MAML2: variants seen among roughly 807,000 people sequenced by gnomAD.
MAML2 encodes the protein mastermind like transcriptional coactivator 2, also known as mastermind-like protein 2.
In MAML2, 22 loss-of-function variants were observed where a neutral mutation model predicts 96.1. The observed-to-expected ratio is 0.23, with a 90% CI of 0.16 to 0.33. The LOEUF (loss-of-function observed/expected upper bound fraction) is 0.33, where lower values mean the gene tolerates loss of function less well. MAML2 is among the 10% of genes least tolerant of loss of function. MAML2 has a pLI of 1.00. For synonymous variants in MAML2, 561 were observed against 521.3 expected, an observed-to-expected ratio of 1.08 and a Z score of -1.04; for missense variants, 1,367 against 1,392.4, an observed-to-expected ratio of 0.98 and a Z score of 0.29.
intron 2 of MAML2, among the ~76,000 whole-genome samples, chr11:96,003,117 A>C (rs528381374): frequency 3.8e-4 from 43 of 114,334 alleles, no homozygotes; most frequent in Middle Eastern, 6.8e-3. Flanking sequence ...GGGATGATGA[A>C]GATGATTATG....
chr11:96,078,397 T>A (rs1859478068), intron 2 of MAML2, among the ~76,000 whole-genome samples: 1 of 152,244 alleles, frequency 6.6e-6, no homozygotes, highest in Admixed American at 6.5e-5. Flanking sequence ...TTGGATAGGC[T>A]AGCAGGAGGA....
intron 2 of MAML2, among the ~76,000 whole-genome samples, chr11:96,078,787 G>A (rs1371050369): frequency 1.3e-5 from 2 of 152,214 alleles, no homozygotes; most frequent in Non-Finnish European, 2.9e-5. Context: ...AGACCTGTCA[G>A]TAAATTATCC....
rs150323850 is a variant in MAML2, at chr11:96,237,848, T to G, written c.513+103535A>C. ...ATGCAATGAAAGGAATCTGCTAAGCTAATGTTTATTTTAACAAACACTTTG... is the reference window on the plus strand; with the variant it reads ...ATGCAATGAAAGGAATCTGCTAAGCGAATGTTTATTTTAACAAACACTTTG... On this transcript the variant is annotated intron_variant, in intron 1 of 4. Coordinates refer to ENST00000524717, the MANE Select transcript of MAML2 (RefSeq NM_032427.4). Among the ~76,000 whole-genome samples the G allele has an allele frequency of 2.4e-3, 372 of 152,372 alleles. 2 individuals carry two copies. Among genetic ancestry groups the G allele is most frequent in the Non-Finnish European group, 4.5e-3 (308 of 68,042 alleles).
intron 1 of MAML2, among the ~76,000 whole-genome samples, chr11:96,322,498 C>T (rs1210194052): frequency 2.0e-5 from 3 of 152,150 alleles, no homozygotes; most frequent in African/African-American, 7.2e-5. Flanking sequence ...CCAGACCATC[C>T]TGGCTAACAC....
At chr11:96,085,233 T>C (rs1591002932) in intron 2 of MAML2, among the ~76,000 whole-genome samples, 1 of 152,176 alleles carries the variant, frequency 6.6e-6, no homozygotes, top group East Asian at 1.9e-4. Flanking sequence ...AGGGTTAAGA[T>C]GATTCACTGA....
At chr11:96,058,511 A>T (rs1334141281) in intron 2 of MAML2, among the ~76,000 whole-genome samples, 1 of 151,866 alleles carries the variant, frequency 6.6e-6, no homozygotes, top group African/African-American at 2.4e-5. Context: ...GTAGAGATGG[A>T]GGTTTCACCA....
chr11:96,076,432 T>TCTCACACA (rs1220334761), intron 2 of MAML2, among the ~76,000 whole-genome samples: 10 of 103,186 alleles, frequency 9.7e-5, no homozygotes, highest in African/African-American at 2.9e-4. Flanking sequence ...TCTCTCTCTC[T>TCTCACACA]CACACACACA....
At position 96,107,687 on chromosome 11, in the gene MAML2, A is replaced by C. The variant is rs1297387660; in HGVS notation, c.514-14170T>G. On this transcript the variant is annotated intron_variant, in intron 1 of 4. Coordinates refer to ENST00000524717, the MANE Select transcript of MAML2 (RefSeq NM_032427.4). ...TTTGGGACTTTTGGCTTCACCACCC[A>C]ACCTCCAGGGAGGAGAGAGGGGCTA... 2.0e-5 allele frequency among the ~76,000 whole-genome samples: 3 copies of C among 152,306 alleles called. No homozygotes were observed. The East Asian group carries it at 5.8e-4, about 29-fold the overall frequency.
At chr11:96,094,988 T>TA (rs1342241036) in intron 1 of MAML2, among the ~76,000 whole-genome samples, 7 of 152,208 alleles carry the variant, frequency 4.6e-5, no homozygotes, top group African/African-American at 1.7e-4. Context: ...TTATTTCCCT[T>TA]AATCTGCACA....
intron 2 of MAML2, among the ~76,000 whole-genome samples, chr11:96,076,432 T>TCACA (rs57102762): frequency 0.029 from 3,035 of 103,096 alleles, 40 homozygotes; most frequent in Middle Eastern, 0.043. Context: ...TCTCTCTCTC[T>TCACA]CACACACACA....
chr11:95,987,313 T>C (rs1407502079), intron 3 of MAML2, among the ~76,000 whole-genome samples: 1 of 152,194 alleles, frequency 6.6e-6, no homozygotes, highest in Non-Finnish European at 1.5e-5. Flanking sequence ...TGACATTCTG[T>C]AGGATTGTTT....
At chr11:96,252,975 A>G (rs1315641340) in intron 1 of MAML2, among the ~76,000 whole-genome samples, 1 of 152,186 alleles carries the variant, frequency 6.6e-6, no homozygotes, top group Non-Finnish European at 1.5e-5. Context: ...TTCTCACAAA[A>G]CAGCCTCCCA....
In MAML2 at chr11:96,092,812, C is replaced by G. The variant is rs764299271; in HGVS notation, c.1219G>C (p.Val407Leu). ...ALSTSSPIPS[V>L]PQSQAQPQTG... ...TGAGGCTGAGCCTGGCTCTGAGGGA[C>G]TGAAGGGATTGGAGACGAAGTGGAG... Residue 407 changes from valine (V) to leucine (L), a missense_variant, in exon 2 of 5, where the codon GTC becomes CTC. Transcript: ENST00000524717. This position sits in a 1 kb window ranked among gnomAD's most constrained non-coding sequence, Gnocchi z 4.1. The G allele has an allele frequency of 3.1e-6, 5 of 1,610,744 alleles. No individual in the cohort carries two copies. Among genetic ancestry groups the G allele is most frequent in the Non-Finnish European group, 2.5e-6 (3 of 1,177,822 alleles).
chr11:96,230,341 T>C (rs548773240), intron 1 of MAML2, among the ~76,000 whole-genome samples: 1 of 152,350 alleles, frequency 6.6e-6, no homozygotes, highest in African/African-American at 2.4e-5. Flanking sequence ...TATATCTATA[T>C]ATATTTGTAC....
chr11:96,291,276 C>T (rs901725849), intron 1 of MAML2, among the ~76,000 whole-genome samples: 2 of 151,938 alleles, frequency 1.3e-5, no homozygotes, highest in Non-Finnish European at 1.5e-5. Context: ...CAGGCACCCA[C>T]CACCTCACCC....
chr11:96,181,595 G>C (rs753982018), intron 1 of MAML2, among the ~76,000 whole-genome samples: 2 of 151,914 alleles, frequency 1.3e-5, no homozygotes, highest in African/African-American at 4.8e-5. Context: ...AAGCTCCTAA[G>C]ATGCAAAAAA....
At chr11:96,099,904 G>A (rs1447488535) in intron 1 of MAML2, among the ~76,000 whole-genome samples, 9 of 151,444 alleles carry the variant, frequency 5.9e-5, no homozygotes, top group Admixed American at 1.3e-4. Flanking sequence ...CCTCCCAAAG[G>A]TTATAGAGAT....
At chr11:95,987,734 C>CAA (rs1857849497) in intron 3 of MAML2, among the ~76,000 whole-genome samples, 1 of 152,076 alleles carries the variant, frequency 6.6e-6, no homozygotes, top group Non-Finnish European at 1.5e-5. Flanking sequence ...ATTCTTGTTG[C>CAA]TAAGAAAAAG....
At chr11:96,050,056 C>A (rs1267920895) in intron 2 of MAML2, among the ~76,000 whole-genome samples, 1 of 152,094 alleles carries the variant, frequency 6.6e-6, no homozygotes, top group African/African-American at 2.4e-5. Flanking sequence ...AACTTTTTAC[C>A]TCTCTGATCT....
Sources: allele counts gnomAD v4.1 joint callset (sites outside exome capture counted in the v4.1 genomes callset), GRCh38; gene constraint gnomAD v4.1.1; non-coding constraint Gnocchi (gnomAD v3.1); transcripts MANE v1.5; gene names NCBI Gene and HGNC (gene_info 2026-07-23, HGNC 2026-07-21).